Variants in PKD2L2 observed in about 807,000 individuals in gnomAD.
The protein encoded by PKD2L2 is polycystin-2-like protein 2.
In PKD2L2, 67 loss-of-function variants were observed where a neutral mutation model predicts 83.9. The observed-to-expected ratio is 0.80, with a 90% CI of 0.66 to 0.98. The LOEUF (loss-of-function observed/expected upper bound fraction) is 0.98, where lower values mean the gene tolerates loss of function less well. Ranked by LOEUF, PKD2L2 falls within the 50% of genes least tolerant of loss-of-function variation. PKD2L2 has a pLI of 0.00. For missense variants in PKD2L2, 632 were observed against 717.2 expected, an observed-to-expected ratio of 0.88 and a Z score of 1.36; for synonymous variants, 223 against 237.8, an observed-to-expected ratio of 0.94 and a Z score of 0.57.
At chr5:137,917,251 G>A (rs10076361) in intron 8 of PKD2L2, among the ~76,000 whole-genome samples, 21,844 of 146,824 alleles carry the variant, frequency 0.15, 1,752 homozygotes, top group Non-Finnish European at 0.18. Context: ...TGCAGACTCC[G>A]CCTGTTGGGT....
At chr5:137,923,260 C>G (rs1759089916) in intron 9 of PKD2L2, among the ~76,000 whole-genome samples, 160 bp from the exon 10 acceptor site, 1 of 152,188 alleles carries the variant, frequency 6.6e-6, no homozygotes, top group Admixed American at 6.5e-5. Flanking sequence ...AAGTGATTCA[C>G]TCACCTTGGT....
At chr5:137,912,965 C>T (rs189430022) in intron 8 of PKD2L2, among the ~76,000 whole-genome samples, 19 of 151,124 alleles carry the variant, frequency 1.3e-4, no homozygotes, top group Non-Finnish European at 2.8e-4. Context: ...CCACCACGGC[C>T]GGCTAGTTTT....
At chr5:137,914,031 C>CTT (rs58118724) in intron 8 of PKD2L2, among the ~76,000 whole-genome samples, 1 of 42,302 alleles carries the variant, frequency 2.4e-5, no homozygotes, top group African/African-American at 9.6e-5. Context: ...CCACACTTGG[C>CTT]TTTTTTTTTT....
intron 8 of PKD2L2, among the ~76,000 whole-genome samples, chr5:137,911,815 C>A (rs1399045418): frequency 6.6e-6 from 1 of 152,190 alleles, no homozygotes; most frequent in African/African-American, 2.4e-5. Context: ...CCCCTGAACT[C>A]CACCTCTCCA....
At chr5:137,939,738 A>G in intron 14 of PKD2L2, 1 of 523,426 alleles carries the variant, frequency 1.9e-6, no homozygotes, top group Non-Finnish European at 2.5e-6. Context: ...TTTTCTAGGA[A>G]AACAGAGAAC....
At chr5:137,912,476 C>G (rs1580936616) in intron 8 of PKD2L2, among the ~76,000 whole-genome samples, 1 of 152,062 alleles carries the variant, frequency 6.6e-6, no homozygotes, top group Non-Finnish European at 1.5e-5. Flanking sequence ...AAGTGATTCT[C>G]CCACCTTAGC....
chr5:137,903,332 G>A (rs1757112217), intron 5 of PKD2L2, among the ~76,000 whole-genome samples: 1 of 152,178 alleles, frequency 6.6e-6, no homozygotes, highest in East Asian at 1.9e-4. Flanking sequence ...TCATGTGTTT[G>A]AGTCCAGCAT....
At position 137,897,969 on chromosome 5, in the gene PKD2L2, A is replaced by AT. The variant is rs1239984315; in HGVS notation, c.525-1532dup. On this transcript the variant is annotated intron_variant, in intron 4 of 14. Transcript: ENST00000508883. Reference sequence around the variant, plus strand: ...AATAAAAAGAAGAAACAAAAAAAAAATTTTTTTTTTTTTTTGAGACAGAGT... The same window carrying AT: ...AATAAAAAGAAGAAACAAAAAAAAAATTTTTTTTTTTTTTTTGAGACAGAGT... Among the ~76,000 whole-genome samples the AT allele has an allele frequency of 3.0e-3, 436 of 145,202 alleles. 1 individual carries two copies. The highest frequency in any genetic ancestry group is 0.023 in the East Asian group (113 of 5,020).
intron 14 of PKD2L2, chr5:137,940,532 T>C (rs868423761): frequency 1.8e-6 from 1 of 547,364 alleles, no homozygotes; most frequent in Non-Finnish European, 3.2e-6. Context: ...TCTAAAATTT[T>C]TGATGGACTT....
At chr5:137,889,673 A>G in intron 1 of PKD2L2, 151 bp downstream of exon 1, 1 of 639,156 alleles carries the variant, frequency 1.6e-6, no homozygotes, top group Non-Finnish European at 2.5e-6. Flanking sequence ...GCGGAGAGGG[A>G]CAGATGGTCC....
chr5:137,942,696 T>C lies in PKD2L2; in HGVS notation c.*330T>C. On this transcript the variant is annotated 3_prime_UTR_variant, in exon 15 of 15. Transcript: ENST00000508883. Reference sequence around the variant, plus strand: ...TTTTAATTTTTGAAATACAGTAATGTTTTATTTAAAAATGGGAATGACAAT... The same window carrying C: ...TTTTAATTTTTGAAATACAGTAATGCTTTATTTAAAAATGGGAATGACAAT... 1 of 587,756 alleles carries C rather than the reference T, an allele frequency of 1.7e-6. No individual in the cohort carries two copies. The highest frequency in any genetic ancestry group is 3.1e-5 in the East Asian group (1 of 31,914). 36.4% of individuals were successfully genotyped at this position (587,756 alleles called of 1,614,324 possible). A position where few individuals can be genotyped will look rare whatever the true frequency, so the allele number is the denominator to read the frequency against.
chr5:137,935,170 A>T (rs1760220947), intron 12 of PKD2L2, among the ~76,000 whole-genome samples: 1 of 152,248 alleles, frequency 6.6e-6, no homozygotes, highest in East Asian at 1.9e-4. Context: ...GTTATTTTCC[A>T]CAACACACAG....
At position 137,925,051 on chromosome 5, in the gene PKD2L2, T is replaced by C. The variant is rs1466433742; in HGVS notation, c.1563T>C (p.Asn521=). 2 of 1,593,866 alleles carry C rather than the reference T, an allele frequency of 1.3e-6. No individual in the cohort carries two copies. Among genetic ancestry groups the C allele is most frequent in the South Asian group, 1.1e-5 (1 of 90,416 alleles). Residue 521 remains asparagine, a synonymous_variant, in exon 11 of 15, where the codon AAT becomes AAC. Transcript: ENST00000508883. ...TAAATTATGCCCAGAGTTACAAAAA[T>C]GTTCTCGAGAAATTCAGACTGAAGA... ...LGKMIKQSYK[N]VLEKFRLKKA...
At chr5:137,917,593 A>G (rs941670802) in intron 8 of PKD2L2, among the ~76,000 whole-genome samples, 64 of 151,840 alleles carry the variant, frequency 4.2e-4, no homozygotes, top group African/African-American at 1.5e-3. Context: ...CATTTTGGTT[A>G]TTATTTTTCC....
chr5:137,912,001 T>C (rs143228346), intron 8 of PKD2L2, among the ~76,000 whole-genome samples: 68 of 152,368 alleles, frequency 4.5e-4, no homozygotes, highest in African/African-American at 1.5e-3. Flanking sequence ...TTTTCAAAGA[T>C]TGAATAGTGT....
At chr5:137,922,428 A>C (rs1365666662) in intron 9 of PKD2L2, among the ~76,000 whole-genome samples, 5 of 152,108 alleles carry the variant, frequency 3.3e-5, no homozygotes, top group African/African-American at 7.2e-5. Context: ...CATAGAATTA[A>C]AAAACAACAG....
intron 8 of PKD2L2, among the ~76,000 whole-genome samples, chr5:137,916,512 C>T (rs377703680): frequency 8.6e-5 from 10 of 116,028 alleles, no homozygotes; most frequent in African/African-American, 1.3e-4. Context: ...CAGAGTATTG[C>T]GCTTTCACTC....
At chr5:137,895,856 C>T (rs1365678868) in intron 4 of PKD2L2, among the ~76,000 whole-genome samples, 9 of 140,634 alleles carry the variant, frequency 6.4e-5, no homozygotes, top group Non-Finnish European at 1.2e-4. Context: ...CTGGCCTGGA[C>T]GGTAGTGTGA....
intron 12 of PKD2L2, among the ~76,000 whole-genome samples, chr5:137,930,774 A>G (rs1475547321): frequency 6.6e-6 from 1 of 152,004 alleles, no homozygotes; most frequent in Non-Finnish European, 1.5e-5. Context: ...ACTCAGAGGA[A>G]AATTAAGTCT....
Sources: allele counts gnomAD v4.1 joint callset (sites outside exome capture counted in the v4.1 genomes callset), GRCh38; gene constraint gnomAD v4.1.1; transcripts MANE v1.5; gene names NCBI Gene and HGNC (gene_info 2026-07-23, HGNC 2026-07-21).